Variants in LSAMP observed in about 807,000 individuals in gnomAD.
LSAMP encodes the protein limbic system-associated membrane protein.
Under a neutral mutation model 38.6 loss-of-function variants are expected in LSAMP, and 7 were observed. That is an observed-to-expected ratio of 0.18 (90% CI 0.10 to 0.34). The LOEUF (loss-of-function observed/expected upper bound fraction) is 0.34. Among genes scored for constraint, LSAMP ranks in the 10% least tolerant of loss-of-function variants. The pLI is 1.00. For synonymous variants in LSAMP, 154 were observed against 166.8 expected (o/e 0.92, Z 0.59); for missense variants, 313 against 420.0 (o/e 0.75, Z 2.23).
chr3:116,284,737 C>G (rs768236087), intron 1 of LSAMP, among the ~76,000 whole-genome samples: 4 of 152,164 alleles, frequency 2.6e-5, no homozygotes, highest in African/African-American at 7.2e-5. Context: ...CTCATGGGCT[C>G]TCAATCCAAA....
intron 3 of LSAMP, among the ~76,000 whole-genome samples, chr3:115,895,611 T>C (rs1487793046): frequency 1.3e-5 from 2 of 152,062 alleles, no homozygotes; most frequent in African/African-American, 4.8e-5. Context: ...AACGGATCTA[T>C]GGAATGGAAG....
At chr3:116,011,941 A>G (rs1940339022) in intron 3 of LSAMP, among the ~76,000 whole-genome samples, 1 of 152,148 alleles carries the variant, frequency 6.6e-6, no homozygotes, top group Admixed American at 6.5e-5. Flanking sequence ...TCTAAATCAG[A>G]CCTACCCTGT....
intron 1 of LSAMP, among the ~76,000 whole-genome samples, chr3:116,433,915 G>T (rs2049312748): frequency 6.6e-6 from 1 of 152,110 alleles, no homozygotes; most frequent in African/African-American, 2.4e-5. Flanking sequence ...AAAGGGGCAT[G>T]CTTTGTCTAG....
chr3:116,329,676 G>A (rs1487621988), intron 1 of LSAMP, among the ~76,000 whole-genome samples: 1 of 151,994 alleles, frequency 6.6e-6, no homozygotes, highest in Non-Finnish European at 1.5e-5. Context: ...AAATTTCGGA[G>A]GGGGACTTTA....
Position 115,997,713 on chromosome 3 carries a change from G to GATATAT in LSAMP, c.514+21796_514+21801dup, listed in dbSNP as rs376845636. Among the ~76,000 whole-genome samples the GATATAT allele has an allele frequency of 8.6e-3, 782 of 91,340 alleles. 5 individuals are homozygous for GATATAT. The highest frequency in any genetic ancestry group is 0.023 in the Middle Eastern group (3 of 130). The allele number at this position is 91,340 out of a possible 152,430, so 59.9% of individuals were successfully genotyped here. A position where few individuals can be genotyped will look rare whatever the true frequency, so the allele number is the denominator to read the frequency against. ...AAGAGGGAAACTATTGACATTTTGG[G>GATATAT]ATATATATATATATATATATATATA... On this transcript the variant is annotated intron_variant, in intron 3 of 6. Transcript: ENST00000490035.
intron 1 of LSAMP, among the ~76,000 whole-genome samples, chr3:116,441,093 T>C (rs1010953876): frequency 4.6e-5 from 7 of 152,292 alleles, no homozygotes; most frequent in African/African-American, 1.4e-4. Context: ...ACCCCAACTT[T>C]GAAAAAACTA....
chr3:116,212,673 T>C (rs971129420), intron 1 of LSAMP, among the ~76,000 whole-genome samples: 1 of 152,222 alleles, frequency 6.6e-6, no homozygotes, highest in African/African-American at 2.4e-5. Flanking sequence ...AGGAACCTTA[T>C]AAAAATCATC....
intron 1 of LSAMP, among the ~76,000 whole-genome samples, chr3:116,365,747 G>A (rs2048342166): frequency 9.7e-6 from 1 of 103,602 alleles, no homozygotes; most frequent in Non-Finnish European, 1.8e-5. Flanking sequence ...ATCATTCTCA[G>A]TAAACTATCG....
In LSAMP at chr3:115,804,485, AAGTTGTC is replaced by A. The variant is rs1449365777; in HGVS notation, c.*5825_*5831del. On this transcript the variant is annotated 3_prime_UTR_variant, in exon 7 of 7. Transcript: ENST00000490035. The stretch of plus-strand genomic sequence containing the variant: ...TCAATACACCTTCTACCTCACTTTA[AAGTTGTC>A]AGTTTATCTTAGATGATGAGGAAGC... 1.3e-5 allele frequency: 2 copies of A among 152,120 alleles called. No homozygotes were observed. Among genetic ancestry groups the A allele is most frequent in the Non-Finnish European group, 2.9e-5 (2 of 68,022 alleles). 9.4% of individuals were successfully genotyped at this position (152,120 alleles called of 1,614,324 possible).
intron 6 of LSAMP, among the ~76,000 whole-genome samples, chr3:115,819,427 CAA>C (rs1156338076): frequency 1.5e-5 from 2 of 130,166 alleles, no homozygotes; most frequent in Non-Finnish European, 3.3e-5. Context: ...AGACTCTGTC[CAA>C]AAAAAAAAAA....
chr3:115,859,380 G>T (rs1935605033), intron 3 of LSAMP, among the ~76,000 whole-genome samples: 1 of 152,192 alleles, frequency 6.6e-6, no homozygotes. Context: ...CAAAAACGGA[G>T]AGATGTGATA....
chr3:116,186,575 C>T (rs998027908), intron 1 of LSAMP, among the ~76,000 whole-genome samples: 2 of 152,142 alleles, frequency 1.3e-5, no homozygotes, highest in Admixed American at 6.5e-5. Context: ...TTACATCACA[C>T]TGGCACCATT....
intron 1 of LSAMP, among the ~76,000 whole-genome samples, chr3:116,286,082 G>C (rs545041291): frequency 7.2e-4 from 109 of 152,262 alleles, no homozygotes; most frequent in African/African-American, 2.5e-3. Context: ...CAGTAGTCCT[G>C]GACTAACTAA....
chr3:116,246,730 T>A (rs1488835755), intron 1 of LSAMP, among the ~76,000 whole-genome samples: 1 of 152,154 alleles, frequency 6.6e-6, no homozygotes, highest in African/African-American at 2.4e-5. Context: ...TCCAAAGTGA[T>A]GCATATGGCA....
intron 1 of LSAMP, among the ~76,000 whole-genome samples, chr3:116,267,446 C>T (rs919670079): frequency 1.3e-5 from 2 of 151,986 alleles, no homozygotes; most frequent in Admixed American, 1.3e-4. Context: ...GCTGCCTTTA[C>T]ATCAGGAAGA....
intron 1 of LSAMP, among the ~76,000 whole-genome samples, chr3:116,384,013 C>T (rs1374438171): frequency 6.6e-6 from 1 of 152,094 alleles, no homozygotes; most frequent in Non-Finnish European, 1.5e-5. Context: ...AACCTCAGAC[C>T]AAGCCATGTA....
At chr3:115,901,673 C>G (rs1936877115) in intron 3 of LSAMP, among the ~76,000 whole-genome samples, 1 of 152,084 alleles carries the variant, frequency 6.6e-6, no homozygotes, top group African/African-American at 2.4e-5. Flanking sequence ...TATTTAACAT[C>G]CAATTAATTA....
chr3:116,207,536 C>T (rs1384387566), intron 1 of LSAMP, among the ~76,000 whole-genome samples: 2 of 151,562 alleles, frequency 1.3e-5, no homozygotes, highest in African/African-American at 4.8e-5. Flanking sequence ...TTTGCAGCGG[C>T]TGGTCCCGGT....
At chr3:116,348,982 T>C (rs1230537073) in intron 1 of LSAMP, among the ~76,000 whole-genome samples, 1 of 152,158 alleles carries the variant, frequency 6.6e-6, no homozygotes, top group Non-Finnish European at 1.5e-5. Context: ...TTCAGACTGA[T>C]GGAATTTCAA....
Sources: allele counts gnomAD v4.1 joint callset (sites outside exome capture counted in the v4.1 genomes callset), GRCh38; gene constraint gnomAD v4.1.1; transcripts MANE v1.5; gene names NCBI Gene and HGNC (gene_info 2026-07-23, HGNC 2026-07-21).